IQGAP3: variants seen among roughly 807,000 people sequenced by gnomAD.
The protein encoded by IQGAP3 is IQ motif containing GTPase activating protein 3.
IQGAP3 carries 165 observed loss-of-function variants against 208.2 expected under a neutral mutation model. The ratio of observed to expected loss-of-function variants is 0.79; its 90% confidence interval spans 0.70 to 0.90. The LOEUF (loss-of-function observed/expected upper bound fraction) is 0.90. Among genes scored for constraint, IQGAP3 ranks in the 40% least tolerant of loss-of-function variants. IQGAP3 has a pLI of 0.00. For synonymous variants in IQGAP3, 703 were observed against 803.6 expected (o/e 0.87, Z 2.12); for missense variants, 1,811 against 2,043.1 (o/e 0.89, Z 2.19).
At chr1:156,566,158 G>A in intron 3 of IQGAP3, 54 bp from the exon 4 acceptor site, 2 of 1,495,368 alleles carry the variant, frequency 1.3e-6, no homozygotes, top group Non-Finnish European at 1.9e-6. Flanking sequence ...CACTCCCTAT[G>A]GGTAAAGCCC....
In IQGAP3 at chr1:156,548,409, A is replaced by T; in HGVS notation, c.2072T>A (p.Ile691Asn). ...GGGGCAGCCAGGAGGTTGCTCCCAG[A>T]TCCCCTGGAAGGTCTGCAGATGGAA... ...YYFHLQTFQG[I>N]WEQPPGCPLN... The change falls in exon 18 of 38, where the codon ATC becomes AAC. Residue 691 changes from isoleucine (I) to asparagine (N), a missense_variant. By Grantham distance (149) the Ile-to-Asn change is moderately radical (BLOSUM62 -3). Coordinates refer to ENST00000361170, the MANE Select transcript of IQGAP3 (RefSeq NM_178229.5). 6.2e-7 allele frequency: 1 copy of T among 1,613,956 alleles called. No individual in the cohort carries two copies. Among genetic ancestry groups the T allele is most frequent in the South Asian group, 1.1e-5 (1 of 91,080 alleles).
At chr1:156,540,633 A>C (rs957181106) in intron 23 of IQGAP3, 75 bp downstream of exon 23, 3 of 1,344,200 alleles carry the variant, frequency 2.2e-6, no homozygotes, top group African/African-American at 1.4e-5. Context: ...ATTGATTAGC[A>C]AGCAGAGAAT....
intron 2 of IQGAP3, among the ~76,000 whole-genome samples, chr1:156,568,452 G>A (rs1571369127): frequency 6.6e-6 from 1 of 152,182 alleles, no homozygotes; most frequent in Admixed American, 6.5e-5. Context: ...CCTGGCCCCA[G>A]GTGATCTGCC....
intron 10 of IQGAP3, among the ~76,000 whole-genome samples, chr1:156,561,634 G>A (rs1676153791): frequency 6.6e-6 from 1 of 152,212 alleles, no homozygotes; most frequent in Non-Finnish European, 1.5e-5. Context: ...ACTGTCCTTG[G>A]GTTCCTCTTG....
chr1:156,547,475 G>A (rs796975941), intron 19 of IQGAP3, among the ~76,000 whole-genome samples: 14 of 151,936 alleles, frequency 9.2e-5, no homozygotes, highest in African/African-American at 3.1e-4. Context: ...GCCCATGCTG[G>A]AGTGCAGTGG....
intron 33 of IQGAP3, 60 bp downstream of exon 33, chr1:156,531,100 C>G: frequency 8.7e-7 from 1 of 1,155,618 alleles, no homozygotes; most frequent in South Asian, 1.2e-5. Flanking sequence ...AGCAGCGGTG[C>G]AGGTGGGATG....
At position 156,528,523 on chromosome 1, in the gene IQGAP3, A is replaced by G. The variant is rs761164104; in HGVS notation, c.4659T>C (p.Asp1553=). 1 of 1,613,534 alleles carries G rather than the reference A, an allele frequency of 6.2e-7. No individual in the cohort carries two copies. Among genetic ancestry groups the G allele is most frequent in the Non-Finnish European group, 8.5e-7 (1 of 1,179,520 alleles). The change falls in exon 36 of 38, where the codon GAT becomes GAC. Residue 1553 remains aspartate, a synonymous_variant. Transcript: ENST00000361170. ...LEKGVLVEIE[D]LPASHFRNVI... is the part of the protein sequence containing the mutation. ...AAGACACATACTGAGAGGCGGGAAG[A>G]TCTTCAATTTCCACCAAGACACCCT...
Position 156,534,484 on chromosome 1 carries a change from G to T in IQGAP3, c.3740+17C>A. ...GAAGAGGGAAGAAAGGGGACAGAGA[G>T]GAAAGGGACCCAAGACCTGAACTTG... On this transcript the variant is annotated intron_variant, in intron 29 of 37. Transcript: ENST00000361170. 2 of 1,524,194 alleles carry T rather than the reference G, an allele frequency of 1.3e-6. No homozygotes were observed. The highest frequency in any genetic ancestry group is 1.8e-6 in the Non-Finnish European group (2 of 1,127,094). 94.4% of individuals were successfully genotyped at this position (1,524,194 alleles called of 1,614,324 possible).
Position 156,528,933 on chromosome 1 carries a change from G to A in IQGAP3, c.4554C>T (p.His1518=). 2 of 1,614,236 alleles carry A rather than the reference G, an allele frequency of 1.2e-6. No homozygotes were observed. The highest frequency in any genetic ancestry group is 1.7e-6 in the Non-Finnish European group (2 of 1,180,038). Residue 1518 remains histidine (H), a synonymous_variant, in exon 35 of 38, where the codon CAC becomes CAT. Coordinates refer to ENST00000361170, the MANE Select transcript of IQGAP3 (RefSeq NM_178229.5). ...YSQYIRACLD[H]LAPDSKSSGK... ...GCACCTACTTGGAGTCGGGGGCCAG[G>A]TGGTCCAGGCAGGCCCGGATGTACT...
At chr1:156,555,057 A>T (rs940331359) in intron 12 of IQGAP3, among the ~76,000 whole-genome samples, 4 of 147,000 alleles carry the variant, frequency 2.7e-5, no homozygotes, top group Admixed American at 1.3e-4. Flanking sequence ...GTCTTAAAAT[A>T]AAAAAAAAAA....
At position 156,530,129 on chromosome 1, in the gene IQGAP3, CT is replaced by C. The variant is rs766894424; in HGVS notation, c.4379del (p.Gln1460ArgfsTer3). 4.4e-6 allele frequency: 7 copies of C among 1,606,470 alleles called. No individual in the cohort carries two copies. Among genetic ancestry groups the C allele is most frequent in the African/African-American group, 1.3e-5 (1 of 74,834 alleles). On this transcript the variant is annotated frameshift_variant, in exon 34 of 38. Coordinates refer to ENST00000361170, the MANE Select transcript of IQGAP3 (RefSeq NM_178229.5). LOFTEE classifies it high-confidence loss of function. ...CCTTGGCCAGCTCGTCCACTAGCCC[CT>C]GGTAGCCATTTCTGGCGCTGACCAA... is the stretch of plus-strand genomic sequence containing the variant. ...LGLVSARNGY[Q>X]GLVDELAKDI... is the part of the protein sequence containing the mutation.
rs758467431 is a variant in IQGAP3 at position 156,539,474 on chromosome 1, T to C, written c.2956A>G (p.Met986Val). ...TACAGGCTGAAAATCACTGCCTCCA[T>C]GAACTTGGTGGTTTTGTTCTGTGGC... ...QMPQNKTTKF[M>V]EAVIFSLYNY... Residue 986 changes from methionine (M) to valine (V), a missense_variant, in exon 25 of 38, where the codon ATG (methionine) becomes GTG (valine). Physicochemically the swap from Met to Val is conservative, Grantham distance 21. Coordinates refer to ENST00000361170, the MANE Select transcript of IQGAP3 (RefSeq NM_178229.5). 10 of 1,614,052 alleles carry C rather than the reference T, an allele frequency of 6.2e-6. No homozygotes were observed. Among genetic ancestry groups the C allele is most frequent in the Non-Finnish European group, 8.5e-6 (10 of 1,180,016 alleles).
At position 156,563,626 on chromosome 1, in the gene IQGAP3, A is replaced by G. The variant is rs773022804; in HGVS notation, c.546T>C (p.Tyr182=). 1.2e-5 allele frequency: 19 copies of G among 1,613,166 alleles called. No homozygotes were observed. The South Asian group carries it at 2.1e-4, about 18-fold the overall frequency. Residue 182 remains tyrosine, a synonymous_variant, in exon 7 of 38, where the codon TAT becomes TAC. Coordinates refer to ENST00000361170, the MANE Select transcript of IQGAP3 (RefSeq NM_178229.5). Reference sequence around the variant, plus strand: ...TGCTGAAGGCAGGCAGCTGGAGGCCATATTTGGCCAGTTCGGACGCCATGT... The same window carrying G: ...TGCTGAAGGCAGGCAGCTGGAGGCCGTATTTGGCCAGTTCGGACGCCATGT... ...LSNMASELAK[Y]GLQLPAFSKI...
chr1:156,539,421 G>T lies in IQGAP3; in HGVS notation c.3009C>A (p.Ala1003=). The T allele has an allele frequency of 6.2e-7, 1 of 1,614,124 alleles. No homozygotes were observed. The highest frequency in any genetic ancestry group is 8.5e-7 in the Non-Finnish European group (1 of 1,179,998). ...LYNYASSRRE[A]YLLLQLFKTA... is the part of the protein sequence containing the mutation. ...TCTTGAACAGCTGGAGCAGGAGATA[G>T]GCCTCTCGGCGGCTGGAGGCATAGT... The change falls in exon 25 of 38, where the codon GCC becomes GCA. Residue 1003 remains alanine (A), a synonymous_variant. Transcript: ENST00000361170.
rs1230094125 is a variant in IQGAP3 at position 156,561,963 on chromosome 1, T to C, written c.916A>G (p.Arg306Gly). Residue 306 changes from arginine (R) to glycine (G), a missense_variant, in exon 10 of 38, where the codon AGA becomes GGA. Coordinates refer to ENST00000361170, the MANE Select transcript of IQGAP3 (RefSeq NM_178229.5). ...TTGAGCAAGGCTTCAGGGCTCTGTC[T>C]TTCCAGGGCATCATCAACAACTTCT... ...ALEVVDDALE[R>G]QSPEALLKAL... The C allele has an allele frequency of 2.5e-6, 4 of 1,613,582 alleles. No homozygotes were observed. The highest frequency in any genetic ancestry group is 3.4e-6 in the Non-Finnish European group (4 of 1,179,774).
intron 36 of IQGAP3, 83 bp from the exon 37 acceptor site, chr1:156,528,143 C>T: frequency 1.9e-6 from 2 of 1,046,278 alleles, no homozygotes; most frequent in South Asian, 1.3e-5. Flanking sequence ...TGCTCCTCAT[C>T]CTGGGCAGCG....
chr1:156,527,848 G>T, intron 37 of IQGAP3, 104 bp downstream of exon 37: 1 of 732,238 alleles, frequency 1.4e-6, no homozygotes. Flanking sequence ...GAAAAACTGA[G>T]CTGGTGTCAT....
At chr1:156,551,665 T>C in intron 15 of IQGAP3, 40 bp downstream of exon 15, 1 of 1,577,550 alleles carries the variant, frequency 6.3e-7, no homozygotes, top group Non-Finnish European at 8.6e-7. Flanking sequence ...GAGAATGTTC[T>C]TCCTGCTCTG....
In IQGAP3 at chr1:156,528,075, A is replaced by G. The variant is rs1305325203; in HGVS notation, c.4674-15T>C. ...CGTTTCTGAAGCTGTCAGGAACAGG[A>G]TTCAAAACAGGAACCCACTGCCTCT... On this transcript the variant is annotated splice_polypyrimidine_tract_variant and intron_variant, in intron 36 of 37. Transcript: ENST00000361170. 1 of 1,599,564 alleles carries G rather than the reference A, an allele frequency of 6.3e-7. No homozygotes were observed. Among genetic ancestry groups the G allele is most frequent in the East Asian group, 2.2e-5 (1 of 44,840 alleles).
Sources: allele counts gnomAD v4.1 joint callset (sites outside exome capture counted in the v4.1 genomes callset), GRCh38; gene constraint gnomAD v4.1.1; transcripts MANE v1.5; gene names NCBI Gene and HGNC (gene_info 2026-07-23, HGNC 2026-07-21).